The following ANKDD1A variants were observed in gnomAD, a reference collection of about 807,000 sequenced individuals.
ANKDD1A encodes ankyrin repeat and death domain-containing protein 1A.
ANKDD1A carries 59 observed loss-of-function variants against 63.5 expected under a neutral mutation model. That is an observed-to-expected ratio of 0.93 (90% confidence interval 0.75 to 1.15). The LOEUF (loss-of-function observed/expected upper bound fraction) is 1.15. Among genes scored for constraint, ANKDD1A ranks in the 50% most tolerant of loss-of-function variants. ANKDD1A has a pLI of 0.00. For missense variants in ANKDD1A, 632 were observed against 656.4 expected (o/e 0.96, Z 0.41); for synonymous variants, 266 against 263.9 (o/e 1.01, Z -0.08).
At position 64,926,200 on chromosome 15, in the gene ANKDD1A, C is replaced by T. The variant is rs368473554; in HGVS notation, c.471+30C>T. Reference sequence around the variant, plus strand: ...GAGTGCCTCAGGGCTACTCATCATTCCCATTGGGCGGGGGGCTCCTGGGGC... The same window carrying T: ...GAGTGCCTCAGGGCTACTCATCATTTCCATTGGGCGGGGGGCTCCTGGGGC... On this transcript the variant is annotated intron_variant, in intron 5 of 14. Coordinates refer to ENST00000319580, the MANE Select transcript of ANKDD1A (RefSeq NM_182703.6). 2.0e-5 allele frequency: 32 copies of T among 1,604,470 alleles called. No homozygotes were observed. The African/African-American group carries it at 3.5e-4, about 17-fold the overall frequency.
At chr15:64,946,099 A>C (rs1365132689) in intron 12 of ANKDD1A, among the ~76,000 whole-genome samples, 2 of 152,180 alleles carry the variant, frequency 1.3e-5, no homozygotes, top group African/African-American at 4.8e-5. Context: ...TGTCAGTTTC[A>C]AGGAAGTCTT....
intron 14 of ANKDD1A, among the ~76,000 whole-genome samples, chr15:64,955,299 C>A (rs2085407862): frequency 6.6e-6 from 1 of 152,132 alleles, no homozygotes; most frequent in East Asian, 1.9e-4. Flanking sequence ...GTGATCTTCC[C>A]CAGGGATGGG....
At chr15:64,954,765 T>G (rs1239254427) in intron 14 of ANKDD1A, among the ~76,000 whole-genome samples, 9 of 147,980 alleles carry the variant, frequency 6.1e-5, no homozygotes, top group African/African-American at 2.4e-4. Flanking sequence ...TTTTTGTTCT[T>G]CTTTCTTCTT....
chr15:64,941,781 C>G lies in ANKDD1A; in HGVS notation c.868-686C>G, dbSNP rs921196368. 2.2e-4 allele frequency among the ~76,000 whole-genome samples: 33 copies of G among 152,264 alleles called. 1 individual carries two copies. The highest frequency in any genetic ancestry group is 1.8e-3 in the Admixed American group (28 of 15,300). Reference sequence around the variant, plus strand: ...GGGAGTATCCCCTCTTTGTCATTTACTCAGGGGGCCACAGGAGACTATTGG... The same window carrying G: ...GGGAGTATCCCCTCTTTGTCATTTAGTCAGGGGGCCACAGGAGACTATTGG... On this transcript the variant is annotated intron_variant, in intron 9 of 14. Coordinates refer to ENST00000319580, the MANE Select transcript of ANKDD1A (RefSeq NM_182703.6).
intron 14 of ANKDD1A, among the ~76,000 whole-genome samples, chr15:64,955,423 T>C (rs1166480010): frequency 1.3e-5 from 2 of 152,146 alleles, no homozygotes; most frequent in Non-Finnish European, 2.9e-5. Context: ...TTTCTCATTA[T>C]TTGAAATTGC....
chr15:64,953,961 TTTTTTCTTCTTTCTTCC>T (rs2085367849), intron 14 of ANKDD1A, among the ~76,000 whole-genome samples: 1 of 6,880 alleles, frequency 1.5e-4, no homozygotes, highest in Non-Finnish European at 3.5e-4. Flanking sequence ...TATTGTTTCT[TTTTTTCTTCTTTCTTCC>T]TCTATCTTCT....
intron 14 of ANKDD1A, among the ~76,000 whole-genome samples, chr15:64,951,777 CCTTT>C (rs2085286937): frequency 2.8e-5 from 3 of 108,316 alleles, no homozygotes; most frequent in South Asian, 3.0e-4. Flanking sequence ...CTTCTTCTTT[CCTTT>C]CTTCTTCCTT....
chr15:64,912,445 G>T (rs997724410), intron 1 of ANKDD1A, among the ~76,000 whole-genome samples: 1 of 152,212 alleles, frequency 6.6e-6, no homozygotes, highest in African/African-American at 2.4e-5. Flanking sequence ...GAATGCTGGG[G>T]CTGGATAGCG....
chr15:64,931,657 A>G (rs1334189211), intron 8 of ANKDD1A, 72 bp downstream of exon 8: 1 of 1,514,388 alleles, frequency 6.6e-7, no homozygotes, highest in African/African-American at 1.4e-5. Flanking sequence ...AGTAACGGCC[A>G]CAGGGATTCC....
At chr15:64,929,305 C>G (rs958078778) in intron 6 of ANKDD1A, among the ~76,000 whole-genome samples, 2 of 152,136 alleles carry the variant, frequency 1.3e-5, no homozygotes, top group Non-Finnish European at 2.9e-5. Flanking sequence ...TTTCCAGTAT[C>G]TGGAACTACA....
rs982164924 is a variant in ANKDD1A at position 64,950,748 on chromosome 15, C to T, written c.1483+776C>T. ...AGGACCGCCCCCCCCCCCCCCCCCC[C>T]CCATAGCTGCTATAGGCAAGGTGGA... On this transcript the variant is annotated intron_variant, in intron 14 of 14. Transcript: ENST00000319580. The T allele has an allele frequency of 1.6e-3, 605 of 377,468 alleles. 6 individuals carry two copies. The highest frequency in any genetic ancestry group is 5.1e-3 in the African/African-American group (168 of 33,044). 23.4% of individuals were successfully genotyped at this position (377,468 alleles called of 1,614,324 possible). A position where few individuals can be genotyped will look rare whatever the true frequency, so the allele number is the denominator to read the frequency against.
intron 14 of ANKDD1A, among the ~76,000 whole-genome samples, chr15:64,953,663 T>TCCC (rs1313520379): frequency 7.4e-6 from 1 of 135,454 alleles, no homozygotes; most frequent in African/African-American, 2.8e-5. Context: ...CTTCTTTTCT[T>TCCC]TCTTCTCCTT....
intron 2 of ANKDD1A, 29 bp downstream of exon 2, chr15:64,915,929 C>A: frequency 6.3e-7 from 1 of 1,599,024 alleles, no homozygotes; most frequent in Non-Finnish European, 8.6e-7. Context: ...TGAATCCAGG[C>A]ACCTGGGATA....
intron 14 of ANKDD1A, among the ~76,000 whole-genome samples, chr15:64,953,632 T>TTTCTCCTTCTTCTTCCTC (rs2085352193): frequency 3.4e-5 from 1 of 29,408 alleles, no homozygotes; most frequent in Non-Finnish European, 1.7e-4. Context: ...TTCTTCTTCC[T>TTTCTCCTTCTTCTTCCTC]TCTTCTTCCT....
intron 12 of ANKDD1A, among the ~76,000 whole-genome samples, chr15:64,945,907 C>T (rs1450932327): frequency 6.6e-6 from 1 of 151,948 alleles, no homozygotes; most frequent in Non-Finnish European, 1.5e-5. Context: ...GCTGGGATTA[C>T]AGGTGTGAGC....
At chr15:64,925,977 T>G (rs527674546) in intron 4 of ANKDD1A, 89 bp from the exon 5 acceptor site, 1 of 1,198,506 alleles carries the variant, frequency 8.3e-7, no homozygotes, top group African/African-American at 1.5e-5. Flanking sequence ...GTGTTCTGGG[T>G]CCCAAACACT....
chr15:64,932,353 C>T (rs2085098552), intron 8 of ANKDD1A: 1 of 152,180 alleles, frequency 6.6e-6, no homozygotes, highest in Admixed American at 6.5e-5. Context: ...AAAGCTGAGT[C>T]TCAAAAGCCT....
intron 14 of ANKDD1A, 39 bp downstream of exon 14, chr15:64,950,011 G>T (rs2085257433): frequency 6.3e-7 from 1 of 1,597,788 alleles, no homozygotes; most frequent in South Asian, 1.1e-5. Context: ...TCAGGAGCTG[G>T]GTGGCCCCCA....
At chr15:64,952,879 T>C (rs2140389445) in intron 14 of ANKDD1A, among the ~76,000 whole-genome samples, 1 of 114,274 alleles carries the variant, frequency 8.8e-6, no homozygotes, top group East Asian at 3.8e-4. Flanking sequence ...TTCTCTTTCT[T>C]CTTCTCCTTC....
Sources: gnomAD v4.1 joint callset for allele counts (sites outside exome capture counted in the v4.1 genomes callset) on GRCh38, gnomAD v4.1.1 for gene constraint, MANE v1.5 for transcripts, NCBI Gene and HGNC (gene_info 2026-07-23, HGNC 2026-07-21) for gene names.